UBR3: variants seen among roughly 807,000 people sequenced by gnomAD.
UBR3 encodes ubiquitin protein ligase E3 component n-recognin 3, also known as E3 ubiquitin-protein ligase UBR3.
Under a neutral mutation model 243.2 loss-of-function variants are expected in UBR3, and 85 were observed. That is an observed-to-expected ratio of 0.35 (90% CI 0.29 to 0.42). The LOEUF (loss-of-function observed/expected upper bound fraction) is 0.42, where lower values mean the gene tolerates loss of function less well. Ranked by LOEUF, UBR3 falls within the 10% of genes least tolerant of loss-of-function variation. The pLI, the probability that UBR3 is intolerant of heterozygous loss-of-function variation, is 1.00. For missense variants in UBR3, 1,686 were observed against 2,300.8 expected (o/e 0.73, Z 5.47); for synonymous variants, 748 against 799.8 (o/e 0.94, Z 1.09).
At chr2:169,943,388 G>T (rs1018930115) in intron 20 of UBR3, among the ~76,000 whole-genome samples, 4 of 152,138 alleles carry the variant, frequency 2.6e-5, no homozygotes, top group Non-Finnish European at 5.9e-5. Flanking sequence ...AGATCACGAG[G>T]TCAGGAGTTC....
chr2:170,056,587 A>G (rs920691255), intron 33 of UBR3, among the ~76,000 whole-genome samples: 1 of 152,200 alleles, frequency 6.6e-6, no homozygotes, highest in African/African-American at 2.4e-5. Flanking sequence ...AATAATAGGT[A>G]TAGTGTAAAT....
chr2:169,892,280 C>G (rs2084405756), intron 6 of UBR3, among the ~76,000 whole-genome samples: 1 of 152,096 alleles, frequency 6.6e-6, no homozygotes, highest in Admixed American at 6.5e-5. Context: ...ACTCATATGG[C>G]CTTCTGGCTC....
At chr2:169,903,488 T>G (rs2084905101) in intron 8 of UBR3, among the ~76,000 whole-genome samples, 1 of 152,216 alleles carries the variant, frequency 6.6e-6, no homozygotes, top group East Asian at 1.9e-4. Flanking sequence ...AGTCCTTACT[T>G]CCTCATTGAG....
At chr2:170,023,428 G>A (rs1449292465) in intron 30 of UBR3, among the ~76,000 whole-genome samples, 1 of 130,356 alleles carries the variant, frequency 7.7e-6, no homozygotes, top group Admixed American at 7.8e-5. Context: ...TTTTTTTTTT[G>A]AGACGGAGTC....
intron 1 of UBR3, among the ~76,000 whole-genome samples, chr2:169,832,181 T>C (rs574064348): frequency 8.5e-5 from 13 of 152,328 alleles, no homozygotes; most frequent in African/African-American, 3.1e-4. Flanking sequence ...TTAGCAGATA[T>C]ACAAACCAAA....
chr2:169,828,967 A>G (rs1558990034), intron 1 of UBR3, among the ~76,000 whole-genome samples: 2 of 152,220 alleles, frequency 1.3e-5, no homozygotes, highest in Admixed American at 1.3e-4. Context: ...GGCTTGGAAC[A>G]TGATGTCAAT....
chr2:169,827,570 G>C lies in UBR3; in HGVS notation c.63G>C (p.Ala21=), dbSNP rs1424783946. 4 of 1,234,766 alleles carry C rather than the reference G, an allele frequency of 3.2e-6. No homozygotes were observed. The South Asian group carries it at 1.5e-4, about 48-fold the overall frequency. 76.5% of individuals were successfully genotyped at this position (1,234,766 alleles called of 1,614,324 possible). The change falls in exon 1 of 39, where the codon GCG becomes GCC. Residue 21 remains alanine (A), a synonymous_variant. Transcript: ENST00000272793. The part of the protein sequence containing the change: ...GQQPSQPELP[A]PGLALDKAAT... ...AGCCGTCACAGCCCGAGCTGCCCGC[G>C]CCGGGGCTGGCCCTAGACAAGGCGG...
At chr2:169,971,343 G>A (rs1324383802) in intron 24 of UBR3, among the ~76,000 whole-genome samples, 4 of 151,518 alleles carry the variant, frequency 2.6e-5, no homozygotes, top group East Asian at 3.9e-4. Flanking sequence ...GATCCCATTT[G>A]TCAATTTTGG....
intron 32 of UBR3, among the ~76,000 whole-genome samples, chr2:170,045,707 C>T (rs943706618): frequency 6.6e-6 from 1 of 152,028 alleles, no homozygotes; most frequent in African/African-American, 2.4e-5. Context: ...TTTCATGAAC[C>T]CCCATATCAA....
At chr2:169,950,520 C>T (rs2086973262) in intron 23 of UBR3, among the ~76,000 whole-genome samples, 1 of 151,830 alleles carries the variant, frequency 6.6e-6, no homozygotes, top group African/African-American at 2.4e-5. Flanking sequence ...AAAACACATT[C>T]TGACTAACTT....
At chr2:169,850,613 G>T (rs1284109620) in intron 1 of UBR3, among the ~76,000 whole-genome samples, 1 of 152,208 alleles carries the variant, frequency 6.6e-6, no homozygotes, top group Non-Finnish European at 1.5e-5. Flanking sequence ...GGGAGGCCGA[G>T]GCGGGTGGAT....
At chr2:170,017,532 C>CACACACAG (rs1397039634) in intron 30 of UBR3, among the ~76,000 whole-genome samples, 74 of 43,522 alleles carry the variant, frequency 1.7e-3, no homozygotes. Context: ...GACACACACA[C>CACACACAG]ACACACACAC....
chr2:169,974,879 A>G (rs193262712), intron 24 of UBR3, among the ~76,000 whole-genome samples: 5 of 152,222 alleles, frequency 3.3e-5, no homozygotes, highest in African/African-American at 9.6e-5. Flanking sequence ...GTTTCAAGAA[A>G]CTTTTAAATT....
At chr2:170,037,152 G>A (rs1234235708) in intron 31 of UBR3, among the ~76,000 whole-genome samples, 1 of 152,000 alleles carries the variant, frequency 6.6e-6, no homozygotes, top group Non-Finnish European at 1.5e-5. Flanking sequence ...AAATACTAAG[G>A]GTTCCTACAT....
At chr2:169,965,097 C>G (rs1481121970) in intron 24 of UBR3, 1 of 371,630 alleles carries the variant, frequency 2.7e-6, no homozygotes, top group Non-Finnish European at 5.4e-6. Flanking sequence ...TATCTGACCC[C>G]AAAAAGCCTG....
chr2:169,934,014 A>G (rs1453177266), intron 19 of UBR3, among the ~76,000 whole-genome samples: 2 of 152,178 alleles, frequency 1.3e-5, no homozygotes, highest in African/African-American at 4.8e-5. Context: ...TCTGCTTTTC[A>G]TATAGTTTTG....
At chr2:169,870,864 G>A (rs2083413461) in intron 1 of UBR3, among the ~76,000 whole-genome samples, 1 of 151,808 alleles carries the variant, frequency 6.6e-6, no homozygotes, top group African/African-American at 2.4e-5. Flanking sequence ...ATGTTGGCCA[G>A]GCTGGTCTTG....
intron 8 of UBR3, among the ~76,000 whole-genome samples, chr2:169,902,918 T>C (rs537230508): frequency 2.0e-5 from 3 of 152,334 alleles, no homozygotes; most frequent in Admixed American, 6.5e-5. Context: ...CCAAGTCTTT[T>C]CTTGAATTGT....
intron 1 of UBR3, among the ~76,000 whole-genome samples, chr2:169,835,871 C>G (rs2082067299): frequency 6.6e-6 from 1 of 151,388 alleles, no homozygotes; most frequent in African/African-American, 2.4e-5. Context: ...AGATATTAAC[C>G]TTTTGCCATG....
Sources: allele counts gnomAD v4.1 joint callset (sites outside exome capture counted in the v4.1 genomes callset), GRCh38; gene constraint gnomAD v4.1.1; transcripts MANE v1.5; gene names NCBI Gene and HGNC (gene_info 2026-07-23, HGNC 2026-07-21).